Variants in GPC5 observed in about 807,000 individuals in gnomAD.
GPC5 encodes glypican-5.
GPC5 carries 47 observed loss-of-function variants against 53.9 expected under a neutral mutation model. The observed-to-expected ratio is 0.87, with a 90% CI of 0.69 to 1.11. The LOEUF (loss-of-function observed/expected upper bound fraction) is 1.11. Among genes scored for constraint, GPC5 ranks in the 50% most tolerant of loss-of-function variants. The pLI, the probability that GPC5 is intolerant of heterozygous loss-of-function variation, is 0.00. For missense variants in GPC5, 748 were observed against 713.1 expected (o/e 1.05, Z -0.56); for synonymous variants, 286 against 263.3 (o/e 1.09, Z -0.84).
At chr13:91,694,991 G>A (rs1003372204) in intron 3 of GPC5, among the ~76,000 whole-genome samples, 8 of 152,148 alleles carry the variant, frequency 5.3e-5, no homozygotes, top group South Asian at 2.1e-4. Context: ...GTCCAAACGC[G>A]TTTTCCCCTT....
intron 7 of GPC5, among the ~76,000 whole-genome samples, chr13:92,322,879 G>A (rs1016882552): frequency 1.3e-5 from 2 of 152,042 alleles, no homozygotes; most frequent in Non-Finnish European, 2.9e-5. Context: ...TAACAAGGAA[G>A]CATCTGCATC....
chr13:91,836,278 C>A (rs577405723), intron 5 of GPC5, among the ~76,000 whole-genome samples: 1 of 152,002 alleles, frequency 6.6e-6, no homozygotes, highest in Non-Finnish European at 1.5e-5. Flanking sequence ...CTTTTGACCT[C>A]CATTCCTTTT....
chr13:91,902,827 G>A (rs2039511622), intron 5 of GPC5, among the ~76,000 whole-genome samples: 1 of 151,966 alleles, frequency 6.6e-6, no homozygotes, highest in Admixed American at 6.6e-5. Context: ...AGATCCTAAA[G>A]TACTCACTTA....
At chr13:92,744,285 G>A (rs1383964527) in intron 7 of GPC5, among the ~76,000 whole-genome samples, 4 of 151,972 alleles carry the variant, frequency 2.6e-5, no homozygotes, top group African/African-American at 9.7e-5. Flanking sequence ...GAAAGTGAGA[G>A]CAGGAGTATA....
intron 6 of GPC5, among the ~76,000 whole-genome samples, chr13:92,079,717 G>T (rs555644422): frequency 6.6e-6 from 1 of 152,116 alleles, no homozygotes; most frequent in Non-Finnish European, 1.5e-5. Flanking sequence ...AGGTTAGACC[G>T]CAGTGTATAA....
chr13:92,131,263 A>G (rs2041740695), intron 6 of GPC5, among the ~76,000 whole-genome samples: 1 of 151,956 alleles, frequency 6.6e-6, no homozygotes. Context: ...CATATTGAAA[A>G]TTTGTTTGGC....
At chr13:91,490,522 T>C (rs1883883274) in intron 2 of GPC5, among the ~76,000 whole-genome samples, 1 of 152,208 alleles carries the variant, frequency 6.6e-6, no homozygotes, top group Non-Finnish European at 1.5e-5. Context: ...AGCTCTTAGA[T>C]TTAATTATTT....
chr13:91,972,722 G>A (rs1489049592), intron 6 of GPC5, among the ~76,000 whole-genome samples: 1 of 151,968 alleles, frequency 6.6e-6, no homozygotes, highest in Non-Finnish European at 1.5e-5. Flanking sequence ...TCCTTCACTT[G>A]TTAAGCTTAG....
chr13:92,369,370 G>T (rs1175669989), intron 7 of GPC5, among the ~76,000 whole-genome samples: 1 of 152,116 alleles, frequency 6.6e-6, no homozygotes, highest in Non-Finnish European at 1.5e-5. Context: ...TAGAAATGAG[G>T]TTTTGCCATG....
intron 7 of GPC5, among the ~76,000 whole-genome samples, chr13:92,619,647 T>TA (rs1400158567): frequency 1.3e-5 from 2 of 152,090 alleles, no homozygotes; most frequent in East Asian, 1.9e-4. Context: ...CTATTAATGA[T>TA]AAAAAATGAT....
intron 6 of GPC5, among the ~76,000 whole-genome samples, chr13:92,082,619 A>G (rs7335937): frequency 1.1e-3 from 172 of 152,354 alleles, no homozygotes; most frequent in African/African-American, 4.0e-3. Context: ...TTAATGCCTC[A>G]GCATTAAAGC....
At chr13:91,649,903 ATAAAATACATAGATTTTTTTAAAAATT>A (rs2034655127) in intron 2 of GPC5, among the ~76,000 whole-genome samples, 1 of 152,226 alleles carries the variant, frequency 6.6e-6, no homozygotes, top group Non-Finnish European at 1.5e-5. Flanking sequence ...GTTCAAATTT[ATAAAATACATAGATTTTTTTAAAAATT>A]TATTTTGAAA....
chr13:91,876,499 T>A (rs1405137437), intron 5 of GPC5, among the ~76,000 whole-genome samples: 1 of 152,136 alleles, frequency 6.6e-6, no homozygotes. Context: ...TATGTTATAG[T>A]GAAGAAACTG....
intron 2 of GPC5, among the ~76,000 whole-genome samples, chr13:91,653,980 C>A (rs1015875820): frequency 6.6e-6 from 1 of 152,158 alleles, no homozygotes; most frequent in Non-Finnish European, 1.5e-5. Flanking sequence ...TCCTACCCAT[C>A]TTCACATCCC....
intron 7 of GPC5, among the ~76,000 whole-genome samples, chr13:92,163,387 G>A (rs1200162979): frequency 6.6e-6 from 1 of 151,268 alleles, no homozygotes; most frequent in African/African-American, 2.4e-5. Flanking sequence ...CTTGAACCTG[G>A]GAGGTGGAGG....
chr13:91,541,815 A>G (rs2029949479), intron 2 of GPC5, among the ~76,000 whole-genome samples: 1 of 139,890 alleles, frequency 7.1e-6, no homozygotes, highest in Admixed American at 7.8e-5. Flanking sequence ...GAGAACTTCC[A>G]TATTAATTAA....
At chr13:92,109,728 G>A (rs1261641488) in intron 6 of GPC5, among the ~76,000 whole-genome samples, 2 of 151,984 alleles carry the variant, frequency 1.3e-5, no homozygotes, top group Non-Finnish European at 2.9e-5. Context: ...AGAATAATCT[G>A]AAAATTATTT....
intron 2 of GPC5, among the ~76,000 whole-genome samples, chr13:91,560,415 A>G (rs773404573): frequency 3.3e-5 from 5 of 152,104 alleles, no homozygotes; most frequent in Non-Finnish European, 7.4e-5. Flanking sequence ...AGCTGTGATA[A>G]TGGAAATTCC....
intron 7 of GPC5, among the ~76,000 whole-genome samples, chr13:92,305,947 AAAG>A (rs2043108009): frequency 6.6e-6 from 1 of 152,350 alleles, no homozygotes; most frequent in South Asian, 2.1e-4. Context: ...AAGGCAAAGT[AAAG>A]AAGAATTCTT....
Sources: allele counts gnomAD v4.1 joint callset (sites outside exome capture counted in the v4.1 genomes callset), GRCh38; gene constraint gnomAD v4.1.1; transcripts MANE v1.5; gene names NCBI Gene and HGNC (gene_info 2026-07-23, HGNC 2026-07-21).